Variants in PWP1 observed in about 807,000 individuals in gnomAD.
PWP1 encodes the protein periodic tryptophan protein 1 homolog.
Under a neutral mutation model 69.9 loss-of-function variants are expected in PWP1, and 47 were observed. That is an observed-to-expected ratio of 0.67 (90% CI 0.53 to 0.86). The LOEUF (loss-of-function observed/expected upper bound fraction) is 0.86. Ranked by LOEUF, PWP1 falls within the 40% of genes least tolerant of loss-of-function variation. The pLI is 0.00. For synonymous variants in PWP1, 222 were observed against 208.2 expected (o/e 1.07, Z -0.57); for missense variants, 551 against 608.8 (o/e 0.91, Z 1.00).
chr12:107,708,890 C>T lies in PWP1; in HGVS notation c.1078-36C>T, dbSNP rs188407105. On this transcript the variant is annotated intron_variant, in intron 11 of 14. Transcript: ENST00000412830. ...TTTTACCCATTGTTAGATTTTGTGA[C>T]GTAGCATGACCTTGCCCATCTTTTA... is the stretch of plus-strand genomic sequence containing the variant. 85 of 1,568,862 alleles carry T rather than the reference C, an allele frequency of 5.4e-5. 1 individual carries two copies. The highest frequency in any genetic ancestry group is 3.4e-4 in the Admixed American group (20 of 59,332).
At position 107,712,131 on chromosome 12, in the gene PWP1, CGA is replaced by C; in HGVS notation, c.1423_1424del (p.Arg475AlafsTer12). 1 of 1,613,824 alleles carries C rather than the reference CGA, an allele frequency of 6.2e-7. No homozygotes were observed. The highest frequency in any genetic ancestry group is 1.7e-5 in the Admixed American group (1 of 60,010). On this transcript the variant is annotated frameshift_variant, in exon 15 of 15. Coordinates refer to ENST00000412830, the MANE Select transcript of PWP1 (RefSeq NM_007062.3). LOFTEE classifies it high-confidence loss of function. ...TTTAGTAAATGAAGCATTTGGAAGACGAGAGAGGCTTGTTCTTGGGAGTGCAA... is the reference window on the plus strand; with the variant it reads ...TTTAGTAAATGAAGCATTTGGAAGACGAGAGGCTTGTTCTTGGGAGTGCAA... ...VSSVNEAFGR[R>X]ERLVLGSARN...
chr12:107,694,266 C>T (rs950441093), intron 5 of PWP1, among the ~76,000 whole-genome samples: 4 of 152,146 alleles, frequency 2.6e-5, no homozygotes, highest in Admixed American at 6.6e-5. Context: ...CATCCTTGCC[C>T]GATACTCTCC....
intron 7 of PWP1, 95 bp from the exon 8 acceptor site, chr12:107,699,273 CAAAAT>C: frequency 1.0e-6 from 1 of 972,542 alleles, no homozygotes; most frequent in Non-Finnish European, 1.6e-6. Context: ...CAAAACAAAA[CAAAAT>C]AATCTTAAGG....
intron 1 of PWP1, 113 bp from the exon 2 acceptor site, chr12:107,688,335 T>C: frequency 1.3e-6 from 1 of 795,662 alleles, no homozygotes; most frequent in South Asian, 1.9e-5. Context: ...GATTCTTATC[T>C]TGATGACATT....
In PWP1 at chr12:107,688,645, G is replaced by A. The variant is rs1889421477; in HGVS notation, c.162G>A (p.Glu54=). 2.5e-6 allele frequency: 4 copies of A among 1,614,058 alleles called. No individual in the cohort carries two copies. Among genetic ancestry groups the A allele is most frequent in the African/African-American group, 1.3e-5 (1 of 74,924 alleles). The change falls in exon 3 of 15, where the codon GAG becomes GAA. Residue 54 remains glutamate (E), a synonymous_variant. Coordinates refer to ENST00000412830, the MANE Select transcript of PWP1 (RefSeq NM_007062.3). ...QEEGGGSDEE[E]TGSPSEDGMQ... is the part of the protein sequence containing the mutation. Reference sequence around the variant, plus strand: ...AAGGTGGTGGCAGTGATGAAGAGGAGACAGGCAGTCCTTCAGAAGATGGCA... The same window carrying A: ...AAGGTGGTGGCAGTGATGAAGAGGAAACAGGCAGTCCTTCAGAAGATGGCA...
rs1593142342 is a variant in PWP1, at chr12:107,692,832, A to AACC, written c.339_340insCCA (p.Glu113_Ser114insPro). 1.9e-6 allele frequency: 3 copies of AACC among 1,613,170 alleles called. No individual in the cohort carries two copies. On this transcript the variant is annotated inframe_insertion, in exon 4 of 15. Coordinates refer to ENST00000412830, the MANE Select transcript of PWP1 (RefSeq NM_007062.3). Reference sequence around the variant, plus strand: ...CTTACAGATGCTGAGACTCTTGGTGAATCTCTCTTGGGTCTTACGGTCTAC... The same window carrying AACC: ...CTTACAGATGCTGAGACTCTTGGTGAACCATCTCTCTTGGGTCTTACGGTCTAC...
At chr12:107,698,399 G>A (rs972602325) in intron 7 of PWP1, among the ~76,000 whole-genome samples, 4 of 151,966 alleles carry the variant, frequency 2.6e-5, no homozygotes, top group Admixed American at 6.6e-5. Context: ...AGTAGCTCAC[G>A]CCTATAGTCC....
At chr12:107,699,626 C>T (rs1889663935) in intron 8 of PWP1, among the ~76,000 whole-genome samples, 192 bp downstream of exon 8, 1 of 152,116 alleles carries the variant, frequency 6.6e-6, no homozygotes, top group African/African-American at 2.4e-5. Context: ...GCCAGCTCAT[C>T]ACTGTGGGTG....
intron 1 of PWP1, among the ~76,000 whole-genome samples, chr12:107,686,665 G>C (rs1441329459): frequency 6.6e-6 from 1 of 152,182 alleles, no homozygotes; most frequent in Non-Finnish European, 1.5e-5. Flanking sequence ...GGATAGGCAT[G>C]AACAAAATAG....
chr12:107,702,440 C>T (rs1889733244), intron 8 of PWP1, among the ~76,000 whole-genome samples: 1 of 152,014 alleles, frequency 6.6e-6, no homozygotes, highest in Non-Finnish European at 1.5e-5. Context: ...GCCACCATGC[C>T]CAGCTAATTT....
chr12:107,704,797 T>C, intron 11 of PWP1, 50 bp downstream of exon 11: 1 of 1,445,400 alleles, frequency 6.9e-7, no homozygotes, highest in Middle Eastern at 1.8e-4. Context: ...CTAATGACTT[T>C]TTAAATTCCA....
intron 14 of PWP1, among the ~76,000 whole-genome samples, chr12:107,710,849 G>A (rs755813456): frequency 1.3e-5 from 2 of 152,202 alleles, no homozygotes; most frequent in Non-Finnish European, 2.9e-5. Context: ...AAGATCAGAT[G>A]TAATTGGTAA....
rs1889774049 is a variant in PWP1 at position 107,704,524 on chromosome 12, G to C, written c.966-112G>C. 1.3e-5 allele frequency: 9 copies of C among 711,270 alleles called. No individual in the cohort carries two copies. The East Asian group carries it at 2.5e-4, about 20-fold the overall frequency. 44.1% of individuals were successfully genotyped at this position (711,270 alleles called of 1,614,324 possible). On this transcript the variant is annotated intron_variant, in intron 10 of 14. Coordinates refer to ENST00000412830, the MANE Select transcript of PWP1 (RefSeq NM_007062.3). ...CTACTTTATTTAGAACCTTAAAACAGGCTTTAAATGAATCTTGATTTCACA... is the reference window on the plus strand; with the variant it reads ...CTACTTTATTTAGAACCTTAAAACACGCTTTAAATGAATCTTGATTTCACA...
chr12:107,687,514 A>G (rs181792193), intron 1 of PWP1, among the ~76,000 whole-genome samples: 4 of 152,222 alleles, frequency 2.6e-5, no homozygotes, highest in Non-Finnish European at 4.4e-5. Context: ...ATTCTGATGT[A>G]CAGATAAGTC....
intron 3 of PWP1, chr12:107,692,601 C>A: frequency 1.9e-6 from 1 of 518,180 alleles, no homozygotes; most frequent in Non-Finnish European, 3.4e-6. Flanking sequence ...TTGTGAATTC[C>A]AAGACTGTCT....
At chr12:107,686,941 G>C (rs1222831366) in intron 1 of PWP1, among the ~76,000 whole-genome samples, 1 of 138,352 alleles carries the variant, frequency 7.2e-6, no homozygotes, top group East Asian at 2.1e-4. Context: ...ACTCCAGCCT[G>C]GGCGGGCAAC....
At chr12:107,699,004 C>T (rs1300743672) in intron 7 of PWP1, among the ~76,000 whole-genome samples, 1 of 152,118 alleles carries the variant, frequency 6.6e-6, no homozygotes, top group Admixed American at 6.5e-5. Context: ...TAGCTCACAC[C>T]TGTAATCCCA....
intron 7 of PWP1, chr12:107,697,872 C>T: frequency 2.1e-6 from 1 of 484,270 alleles, no homozygotes; most frequent in Non-Finnish European, 4.0e-6. Flanking sequence ...AGATGAAGGA[C>T]TTTCGGATTA....
At position 107,712,057 on chromosome 12, in the gene PWP1, T is replaced by C. The variant is rs80158745; in HGVS notation, c.1397-54T>C. The C allele has an allele frequency of 1.4e-3, 2,017 of 1,461,762 alleles. 25 individuals are homozygous for C. In the African/African-American group the frequency reaches 0.024, roughly 18 times the overall value. 90.5% of individuals were successfully genotyped at this position (1,461,762 alleles called of 1,614,324 possible). Reference sequence around the variant, plus strand: ...TTCTGCATTTTAGTGTCTTTTTATATTCTGACTTAATTTCCTGATCTGTTA... The same window carrying C: ...TTCTGCATTTTAGTGTCTTTTTATACTCTGACTTAATTTCCTGATCTGTTA... On this transcript the variant is annotated intron_variant, in intron 14 of 14. Transcript: ENST00000412830.
Sources: allele counts gnomAD v4.1 joint callset (sites outside exome capture counted in the v4.1 genomes callset), GRCh38; gene constraint gnomAD v4.1.1; transcripts MANE v1.5; gene names NCBI Gene and HGNC (gene_info 2026-07-23, HGNC 2026-07-21).